The following EFCAB11 variants were observed in gnomAD, a reference collection of about 807,000 sequenced individuals.
The protein encoded by EFCAB11 is EF-hand calcium binding domain 11.
In EFCAB11, 14 loss-of-function variants were observed where a neutral mutation model predicts 23.0. The ratio of observed to expected loss-of-function variants is 0.61; its 90% CI spans 0.40 to 0.95. The LOEUF (loss-of-function observed/expected upper bound fraction) is 0.95, where lower values mean the gene tolerates loss of function less well. Among genes scored for constraint, EFCAB11 ranks in the 40% least tolerant of loss-of-function variants. The probability of loss-of-function intolerance (pLI) is 0.00; values close to 1 mark genes in which losing one functional copy is unlikely to be tolerated. For synonymous variants in EFCAB11, 65 were observed against 66.6 expected, an observed-to-expected ratio of 0.98 and a Z score of 0.11; for missense variants, 198 against 195.8, an observed-to-expected ratio of 1.01 and a Z score of -0.07.
At chr14:89,834,384 A>AC (rs1886995882) in intron 5 of EFCAB11, among the ~76,000 whole-genome samples, 3 of 148,336 alleles carry the variant, frequency 2.0e-5, no homozygotes, top group Non-Finnish European at 4.5e-5. Flanking sequence ...TCAAAAAAAA[A>AC]AAAAAAAAAA....
chr14:89,942,389 A>G (rs1163339451), intron 3 of EFCAB11, among the ~76,000 whole-genome samples: 2 of 152,186 alleles, frequency 1.3e-5, no homozygotes, highest in Non-Finnish European at 2.9e-5. Context: ...TTTGCCAAGT[A>G]TTTATTATTT....
chr14:89,924,369 G>A, intron 5 of EFCAB11: 1 of 1,165,978 alleles, frequency 8.6e-7, no homozygotes, highest in Non-Finnish European at 1.1e-6. Context: ...CAATCTGCCT[G>A]TGCACTCAGG....
At chr14:89,909,282 A>T (rs1180162354) in intron 5 of EFCAB11, among the ~76,000 whole-genome samples, 1 of 152,234 alleles carries the variant, frequency 6.6e-6, no homozygotes, top group Middle Eastern at 3.2e-3. Context: ...AGATCATGTA[A>T]GTCTGATCAC....
chr14:89,841,053 G>A (rs1887245699), intron 5 of EFCAB11, among the ~76,000 whole-genome samples: 1 of 152,090 alleles, frequency 6.6e-6, no homozygotes, highest in South Asian at 2.1e-4. Flanking sequence ...TCCTCACACT[G>A]CCTTGTGCTT....
At chr14:89,950,818 C>A (rs777597457) in intron 2 of EFCAB11, among the ~76,000 whole-genome samples, 1 of 152,114 alleles carries the variant, frequency 6.6e-6, no homozygotes, top group African/African-American at 2.4e-5. Flanking sequence ...GGTCTCGAAC[C>A]CTTCCCAGTA....
chr14:89,835,052 C>T (rs990960188), intron 5 of EFCAB11, among the ~76,000 whole-genome samples: 2 of 152,194 alleles, frequency 1.3e-5, no homozygotes, highest in Admixed American at 6.5e-5. Context: ...AAGTAAAAGA[C>T]ATTATGCTTT....
intron 5 of EFCAB11, among the ~76,000 whole-genome samples, chr14:89,825,995 T>C (rs1052403890): frequency 6.6e-6 from 1 of 152,148 alleles, no homozygotes; most frequent in African/African-American, 2.4e-5. Context: ...GTCCTGGGAA[T>C]ATAGTAGCCA....
At chr14:89,944,096 T>C (rs572064885) in intron 3 of EFCAB11, among the ~76,000 whole-genome samples, 6 of 152,364 alleles carry the variant, frequency 3.9e-5, no homozygotes, top group South Asian at 4.1e-4. Flanking sequence ...TGTATTAATC[T>C]TTTCTCATGC....
At chr14:89,821,883 C>T (rs1886530382) in intron 5 of EFCAB11, among the ~76,000 whole-genome samples, 1 of 152,130 alleles carries the variant, frequency 6.6e-6, no homozygotes, top group Non-Finnish European at 1.5e-5. Context: ...CACACATGAA[C>T]AATCCAAAAA....
intron 5 of EFCAB11, chr14:89,923,304 A>G (rs1357588670): frequency 6.6e-6 from 1 of 152,238 alleles, no homozygotes; most frequent in Non-Finnish European, 1.5e-5. Flanking sequence ...GTTTTATTCA[A>G]TATATCACAT....
chr14:89,868,664 C>T (rs1333233973), intron 5 of EFCAB11, among the ~76,000 whole-genome samples: 4 of 152,152 alleles, frequency 2.6e-5, no homozygotes, highest in East Asian at 3.8e-4. Flanking sequence ...CCTTGTTTTA[C>T]GTGCTCTGTA....
chr14:89,882,064 C>A (rs1888618139), intron 5 of EFCAB11, among the ~76,000 whole-genome samples: 1 of 152,032 alleles, frequency 6.6e-6, no homozygotes, highest in Admixed American at 6.6e-5. Flanking sequence ...TTTTCTAATC[C>A]CACTTCCCCT....
At chr14:89,813,542 TG>T (rs1886221595) in intron 5 of EFCAB11, among the ~76,000 whole-genome samples, 6 of 151,356 alleles carry the variant, frequency 4.0e-5, no homozygotes, top group African/African-American at 9.8e-5. Flanking sequence ...TGTTTTGTTT[TG>T]TTTTTCTTTC....
At chr14:89,806,960 A>C (rs1885990539) in intron 5 of EFCAB11, among the ~76,000 whole-genome samples, 1 of 152,228 alleles carries the variant, frequency 6.6e-6, no homozygotes. Context: ...GACATTTATA[A>C]GGAAACATAA....
chr14:89,886,449 C>G lies in EFCAB11; in HGVS notation c.410+45092G>C, dbSNP rs1406979392. Among the ~76,000 whole-genome samples the G allele has an allele frequency of 2.9e-4, 37 of 125,434 alleles. 1 individual carries two copies. Among genetic ancestry groups the G allele is most frequent in the African/African-American group, 1.1e-3 (37 of 33,186 alleles). The allele number at this position is 125,434 out of a possible 152,430, so 82.3% of individuals were successfully genotyped here. A position where few individuals can be genotyped will look rare whatever the true frequency, so the allele number is the denominator to read the frequency against. ...AGGAGAATGGCATGAACCCTGGGGGCGGAGCTTGCAGTGAGCTGAGATCGC... is the reference window on the plus strand; with the variant it reads ...AGGAGAATGGCATGAACCCTGGGGGGGGAGCTTGCAGTGAGCTGAGATCGC... On this transcript the variant is annotated intron_variant, in intron 5 of 5. Coordinates refer to ENST00000316738, the MANE Select transcript of EFCAB11 (RefSeq NM_145231.4).
intron 5 of EFCAB11, among the ~76,000 whole-genome samples, chr14:89,821,983 A>G (rs747736586): frequency 1.3e-5 from 2 of 152,254 alleles, no homozygotes; most frequent in Non-Finnish European, 2.9e-5. Flanking sequence ...AAACATAAAC[A>G]TTACACATGA....
intron 5 of EFCAB11, among the ~76,000 whole-genome samples, chr14:89,902,562 G>C (rs79081057): frequency 1.3e-5 from 2 of 152,030 alleles, no homozygotes; most frequent in East Asian, 3.9e-4. Flanking sequence ...TAATCTCAAG[G>C]CTTCCAAGAA....
At chr14:89,813,826 T>G (rs11622416) in intron 5 of EFCAB11, among the ~76,000 whole-genome samples, 7,488 of 152,224 alleles carry the variant, frequency 0.049, 262 homozygotes, top group East Asian at 0.14. Context: ...AGAGTTTACA[T>G]AATGTGAGTT....
intron 3 of EFCAB11, among the ~76,000 whole-genome samples, chr14:89,941,513 A>C (rs915214932): frequency 2.0e-5 from 3 of 151,550 alleles, no homozygotes; most frequent in Non-Finnish European, 4.4e-5. Context: ...TACCGGTGCC[A>C]CTCTGGGCAA....
Sources: gnomAD v4.1 joint callset for allele counts (sites outside exome capture counted in the v4.1 genomes callset) on GRCh38, gnomAD v4.1.1 for gene constraint, MANE v1.5 for transcripts, NCBI Gene and HGNC (gene_info 2026-07-23, HGNC 2026-07-21) for gene names.